The following NTRK2 variants were observed in gnomAD, a reference collection of about 807,000 sequenced individuals.
NTRK2 encodes the protein neurotrophic receptor tyrosine kinase 2.
In NTRK2, 13 loss-of-function variants were observed where a neutral mutation model predicts 94.5. That is an observed-to-expected ratio of 0.14 (90% CI 0.09 to 0.22). The LOEUF (loss-of-function observed/expected upper bound fraction) is 0.22. Among genes scored for constraint, NTRK2 ranks in the 10% least tolerant of loss-of-function variants. NTRK2 has a pLI of 1.00. For synonymous variants in NTRK2, 372 were observed against 407.4 expected (o/e 0.91, Z 1.05); for missense variants, 639 against 1,071.2 (o/e 0.60, Z 5.63).
intron 17 of NTRK2, among the ~76,000 whole-genome samples, chr9:84,996,306 C>T (rs2133363707): frequency 1.3e-5 from 2 of 152,292 alleles, no homozygotes; most frequent in Middle Eastern, 6.8e-3. Flanking sequence ...GCAGTGACCT[C>T]CATTATTGGT....
intron 12 of NTRK2, among the ~76,000 whole-genome samples, chr9:84,819,538 C>A (rs1319621812): frequency 6.6e-6 from 1 of 152,222 alleles, no homozygotes; most frequent in Non-Finnish European, 1.5e-5. Flanking sequence ...CATCACGCTT[C>A]ACTCAACGCT....
intron 17 of NTRK2, among the ~76,000 whole-genome samples, chr9:84,957,971 A>G (rs1824369257): frequency 6.6e-6 from 1 of 152,362 alleles, no homozygotes; most frequent in East Asian, 1.9e-4. Flanking sequence ...ACAGTGTGCT[A>G]AGTGAAAGAA....
chr9:84,753,809 G>A (rs767648743), intron 12 of NTRK2, among the ~76,000 whole-genome samples: 2 of 152,264 alleles, frequency 1.3e-5, no homozygotes, highest in South Asian at 2.1e-4. Flanking sequence ...GTCTTGAAGG[G>A]TTTAGTTTGA....
chr9:84,812,042 T>C (rs946678169), intron 12 of NTRK2: 27 of 1,059,222 alleles, frequency 2.5e-5, no homozygotes, highest in East Asian at 1.5e-4. Context: ...ATTGGAAACA[T>C]TGATGTTTTA....
intron 17 of NTRK2, among the ~76,000 whole-genome samples, chr9:85,009,374 C>A (rs1003517296): frequency 2.6e-5 from 4 of 152,190 alleles, no homozygotes; most frequent in African/African-American, 9.7e-5. Flanking sequence ...TATTGGGATG[C>A]TTTGGTGGAA....
chr9:84,866,081 G>A (rs1208501860), intron 13 of NTRK2, among the ~76,000 whole-genome samples: 2 of 152,164 alleles, frequency 1.3e-5, no homozygotes, highest in African/African-American at 4.8e-5. Flanking sequence ...TTAGTATAAA[G>A]ACACCAAGTT....
chr9:84,916,384 T>TACCC (rs1466457437), intron 14 of NTRK2, among the ~76,000 whole-genome samples: 3 of 151,986 alleles, frequency 2.0e-5, no homozygotes, highest in Non-Finnish European at 4.4e-5. Context: ...ATAGGCAGGG[T>TACCC]GGTTAAAAAC....
At chr9:84,891,583 G>A (rs927872042) in intron 14 of NTRK2, among the ~76,000 whole-genome samples, 1 of 152,208 alleles carries the variant, frequency 6.6e-6, no homozygotes, top group Non-Finnish European at 1.5e-5. Context: ...GGAAGTAAGT[G>A]CCAGGATTTT....
chr9:84,866,997 A>C (rs773629123), intron 13 of NTRK2, among the ~76,000 whole-genome samples: 16 of 152,204 alleles, frequency 1.1e-4, no homozygotes, highest in Non-Finnish European at 2.4e-4. Context: ...CATTCATATG[A>C]AATGCCAGAG....
At chr9:84,861,837 T>C (rs2132000526) in intron 13 of NTRK2, among the ~76,000 whole-genome samples, 1 of 152,278 alleles carries the variant, frequency 6.6e-6, no homozygotes, top group East Asian at 1.9e-4. Context: ...GTTGGTTAGT[T>C]ATTCTTTTGG....
rs186820223 is a variant in NTRK2 at position 84,822,955 on chromosome 9, C to G, written c.1397-38085C>G. Among the ~76,000 whole-genome samples the G allele has an allele frequency of 3.2e-3, 482 of 152,300 alleles. 2 individuals carry two copies. Among genetic ancestry groups the G allele is most frequent in the African/African-American group, 0.011 (441 of 41,570 alleles). ...GCTCATTAATTGCTGCTTGCCATCT[C>G]TCTGTAAAACACAATGACCAACCTA... On this transcript the variant is annotated intron_variant, in intron 12 of 18. Coordinates refer to ENST00000277120, the MANE Select transcript of NTRK2 (RefSeq NM_006180.6).
intron 12 of NTRK2, among the ~76,000 whole-genome samples, chr9:84,756,915 A>G (rs764618632): frequency 6.6e-6 from 1 of 152,230 alleles, no homozygotes; most frequent in Admixed American, 6.5e-5. Context: ...GTGTCTTTCA[A>G]TAGCAACCAA....
chr9:84,927,454 G>T (rs1545285), intron 14 of NTRK2, among the ~76,000 whole-genome samples: 74,014 of 151,846 alleles, frequency 0.49, 19,244 homozygotes, highest in African/African-American at 0.68. Flanking sequence ...AGGGATTATT[G>T]TACTCTTCTC....
chr9:84,899,326 A>T (rs1317624369), intron 14 of NTRK2, among the ~76,000 whole-genome samples: 1 of 152,400 alleles, frequency 6.6e-6, no homozygotes, highest in African/African-American at 2.4e-5. Flanking sequence ...TGTGTATTTC[A>T]GGACAAAACA....
chr9:84,839,428 G>A (rs1265870639), intron 12 of NTRK2, among the ~76,000 whole-genome samples: 2 of 152,174 alleles, frequency 1.3e-5, no homozygotes, highest in Admixed American at 6.5e-5. Flanking sequence ...GGATAGAAAT[G>A]AGAATAAAAA....
intron 12 of NTRK2, among the ~76,000 whole-genome samples, chr9:84,843,049 G>C (rs2074270246): frequency 6.6e-6 from 1 of 152,150 alleles, no homozygotes; most frequent in South Asian, 2.1e-4. Context: ...GAATTCCCCA[G>C]CACCTCAGTT....
chr9:84,670,625 G>A lies in NTRK2; in HGVS notation c.-124G>A, dbSNP rs200378112. ...GCCTCTGATAAGCTGGACTCGGCACGCCCGCAACAAGCACCGAGGAGTTAA... is the reference window on the plus strand; with the variant it reads ...GCCTCTGATAAGCTGGACTCGGCACACCCGCAACAAGCACCGAGGAGTTAA... On this transcript the variant is annotated 5_prime_UTR_variant, in exon 2 of 19. Coordinates refer to ENST00000277120, the MANE Select transcript of NTRK2 (RefSeq NM_006180.6). The A allele has an allele frequency of 3.2e-6, 3 of 946,554 alleles. No individual in the cohort carries two copies. In the South Asian group the frequency reaches 4.1e-5, roughly 13 times the overall value. 58.6% of individuals were successfully genotyped at this position (946,554 alleles called of 1,614,324 possible).
At chr9:84,832,392 C>T (rs764409910) in intron 12 of NTRK2, among the ~76,000 whole-genome samples, 4 of 152,144 alleles carry the variant, frequency 2.6e-5, no homozygotes, top group Non-Finnish European at 4.4e-5. Flanking sequence ...ATTAAAGAAC[C>T]AAGTGCTACA....
Position 84,709,961 on chromosome 9 carries a change from C to CTGTGTG in NTRK2, c.429-637_429-632dup, listed in dbSNP as rs35954183. ...TGCCTTGCCCTCAGAATAGCTTGCTCTGTGTGTGTGTGTGTGTGTGTGTGT... is the reference window on the plus strand; with the variant it reads ...TGCCTTGCCCTCAGAATAGCTTGCTCTGTGTGTGTGTGTGTGTGTGTGTGTGTGTGT... On this transcript the variant is annotated intron_variant, in intron 5 of 18. Transcript: ENST00000277120. 8.8e-3 allele frequency among the ~76,000 whole-genome samples: 1,011 copies of CTGTGTG among 115,308 alleles called. 7 individuals are homozygous for CTGTGTG. The highest frequency in any genetic ancestry group is 0.015 in the African/African-American group (425 of 27,666). 75.6% of individuals were successfully genotyped at this position (115,308 alleles called of 152,430 possible). A position where few individuals can be genotyped will look rare whatever the true frequency, so the allele number is the denominator to read the frequency against.
Sources: gnomAD v4.1 joint callset for allele counts (sites outside exome capture counted in the v4.1 genomes callset) on GRCh38, gnomAD v4.1.1 for gene constraint, MANE v1.5 for transcripts, NCBI Gene and HGNC (gene_info 2026-07-23, HGNC 2026-07-21) for gene names.